The following PDE2A variants were observed in gnomAD, a reference collection of about 807,000 sequenced individuals.
PDE2A encodes the protein cGMP-dependent 3',5'-cyclic phosphodiesterase.
In PDE2A, 53 loss-of-function variants were observed where a neutral mutation model predicts 133.6. The observed-to-expected ratio is 0.40, with a 90% confidence interval of 0.32 to 0.50. The LOEUF is 0.50. PDE2A is among the 20% of genes least tolerant of loss of function. PDE2A has a pLI of 0.73. For missense variants in PDE2A, 796 were observed against 1,232.4 expected, an observed-to-expected ratio of 0.65 and a Z score of 5.30; for synonymous variants, 491 against 490.2, an observed-to-expected ratio of 1.00 and a Z score of -0.02.
At chr11:72,667,214 C>T (rs1245815064) in intron 1 of PDE2A, among the ~76,000 whole-genome samples, 1 of 152,208 alleles carries the variant, frequency 6.6e-6, no homozygotes, top group Non-Finnish European at 1.5e-5. Context: ...TCAGCATACA[C>T]ATATGCACAA....
At chr11:72,634,220 C>T (rs1245089023) in intron 2 of PDE2A, among the ~76,000 whole-genome samples, 1 of 152,160 alleles carries the variant, frequency 6.6e-6, no homozygotes, top group Non-Finnish European at 1.5e-5. Context: ...GGGAGGCACA[C>T]TTCTGGCCTG....
At chr11:72,625,605 A>T (rs1182809283) in intron 2 of PDE2A, among the ~76,000 whole-genome samples, 1 of 152,194 alleles carries the variant, frequency 6.6e-6, no homozygotes, top group Non-Finnish European at 1.5e-5. Context: ...CGGAACCTGG[A>T]GGAGACAGGA....
chr11:72,657,850 C>G (rs777915023), intron 1 of PDE2A: 25 of 455,822 alleles, frequency 5.5e-5, no homozygotes, highest in Non-Finnish European at 8.4e-5. Context: ...TGTGCACCTA[C>G]TGTGTGTCCA....
At chr11:72,658,623 C>G (rs889589810) in intron 1 of PDE2A, among the ~76,000 whole-genome samples, 2 of 152,120 alleles carry the variant, frequency 1.3e-5, no homozygotes, top group Non-Finnish European at 2.9e-5. Flanking sequence ...CATGAGACAC[C>G]ACACCCAGCC....
At chr11:72,612,925 G>A (rs960107418) in intron 2 of PDE2A, among the ~76,000 whole-genome samples, 2 of 152,184 alleles carry the variant, frequency 1.3e-5, no homozygotes, top group East Asian at 1.9e-4. Context: ...GGGCTCAGCC[G>A]TGGGCTAGAT....
intron 13 of PDE2A, chr11:72,588,014 T>C (rs1856054788): frequency 6.6e-6 from 1 of 152,322 alleles, no homozygotes; most frequent in Admixed American, 6.5e-5. Flanking sequence ...TATCAGCATC[T>C]CTTTGCATCA....
At chr11:72,648,536 C>A (rs1351617031) in intron 1 of PDE2A, among the ~76,000 whole-genome samples, 1 of 152,126 alleles carries the variant, frequency 6.6e-6, no homozygotes, top group Non-Finnish European at 1.5e-5. Flanking sequence ...GGTGGGTCAG[C>A]CACAGGCCTC....
rs1164291687 is a variant in PDE2A at position 72,577,609 on chromosome 11, G to A, written c.2616-15C>T. 1.3e-6 allele frequency: 2 copies of A among 1,586,336 alleles called. No homozygotes were observed. Among genetic ancestry groups the A allele is most frequent in the Non-Finnish European group, 1.7e-6 (2 of 1,168,076 alleles). On this transcript the variant is annotated splice_polypyrimidine_tract_variant and intron_variant, in intron 30 of 30. Coordinates refer to ENST00000334456, the MANE Select transcript of PDE2A (RefSeq NM_002599.5). ...CCTGCAACAGCCTGCGGGTGCATGG[G>A]GGGCAGAGGGCGAGAGGCCAGAAAT...
At chr11:72,641,910 G>A (rs1858968575) in intron 2 of PDE2A, among the ~76,000 whole-genome samples, 1 of 152,146 alleles carries the variant, frequency 6.6e-6, no homozygotes, top group East Asian at 1.9e-4. Context: ...CCACATATAT[G>A]GTGAAGGTTC....
chr11:72,608,409 C>T (rs1053105611), intron 3 of PDE2A, among the ~76,000 whole-genome samples: 3 of 152,216 alleles, frequency 2.0e-5, no homozygotes, highest in African/African-American at 7.2e-5. Flanking sequence ...TTCCACTTAA[C>T]CTCTAAGGCC....
At chr11:72,628,053 C>T (rs1368081661) in intron 2 of PDE2A, among the ~76,000 whole-genome samples, 2 of 152,212 alleles carry the variant, frequency 1.3e-5, no homozygotes, top group African/African-American at 2.4e-5. Flanking sequence ...TTCTTGGCTG[C>T]TGCCCAGCCA....
chr11:72,642,130 A>G, intron 2 of PDE2A, 124 bp downstream of exon 2: 1 of 1,278,588 alleles, frequency 7.8e-7, no homozygotes, highest in Non-Finnish European at 1.0e-6. Context: ...GTCCCAGCAC[A>G]GGAGTAGAAT....
At chr11:72,615,203 C>T in intron 2 of PDE2A, 1 of 395,768 alleles carries the variant, frequency 2.5e-6, no homozygotes. Context: ...TGGCTCCTCC[C>T]TTCCAGCGCC....
In PDE2A at chr11:72,672,145, G is replaced by T. The variant is rs891514848; in HGVS notation, c.71+1992C>A. Among the ~76,000 whole-genome samples, 3 of 151,308 alleles carry T rather than the reference G, an allele frequency of 2.0e-5. No individual in the cohort carries two copies. In the South Asian group the frequency reaches 6.3e-4, roughly 32 times the overall value. The stretch of plus-strand genomic sequence containing the variant: ...CCAGTTCAACCCAGACAATGCCACC[G>T]AGGCAGGTTTCTTTATTTTTCTTCT... On this transcript the variant is annotated intron_variant, in intron 1 of 30. Transcript: ENST00000334456.
chr11:72,593,924 A>G (rs2135316857), intron 6 of PDE2A, among the ~76,000 whole-genome samples: 1 of 152,200 alleles, frequency 6.6e-6, no homozygotes, highest in South Asian at 2.1e-4. Flanking sequence ...GTTTTGCAGT[A>G]TTTTTGTTAT....
At position 72,584,544 on chromosome 11, in the gene PDE2A, C is replaced by G. The variant is rs1039828457; in HGVS notation, c.1537+7G>C. 1.3e-6 allele frequency: 2 copies of G among 1,599,360 alleles called. No individual in the cohort carries two copies. The highest frequency in any genetic ancestry group is 8.5e-7 in the Non-Finnish European group (1 of 1,173,826). On this transcript the variant is annotated splice_region_variant and intron_variant, in intron 18 of 30. Coordinates refer to ENST00000334456, the MANE Select transcript of PDE2A (RefSeq NM_002599.5). ...CCCCGCCCCTCCGCCCGGGCCGCCA[C>G]GCGCACCCTGGTTCTCGTTCTTGAT...
chr11:72,582,267 C>A, intron 21 of PDE2A, 177 bp downstream of exon 21: 1 of 668,316 alleles, frequency 1.5e-6, no homozygotes, highest in African/African-American at 1.8e-5. Context: ...GCCTCTAGCC[C>A]CTGGGCAGGC....
intron 2 of PDE2A, among the ~76,000 whole-genome samples, chr11:72,638,447 C>T (rs773916436): frequency 4.6e-5 from 7 of 152,198 alleles, no homozygotes; most frequent in Non-Finnish European, 8.8e-5. Context: ...CTGCAGAGCT[C>T]ACATTCTGGT....
intron 2 of PDE2A, among the ~76,000 whole-genome samples, chr11:72,624,024 A>C (rs1591089506): frequency 2.8e-5 from 4 of 141,442 alleles, no homozygotes; most frequent in Admixed American, 7.1e-5. Context: ...ATGGTATTTC[A>C]CTCGTCACCC....
Sources: gnomAD v4.1 joint callset for allele counts (sites outside exome capture counted in the v4.1 genomes callset) on GRCh38, gnomAD v4.1.1 for gene constraint, MANE v1.5 for transcripts, NCBI Gene and HGNC (gene_info 2026-07-23, HGNC 2026-07-21) for gene names.